Variants in KIAA1328 observed in about 807,000 individuals in gnomAD.
KIAA1328 encodes protein hinderin.
In KIAA1328, 52 loss-of-function variants were observed where a neutral mutation model predicts 68.1. That is an observed-to-expected ratio of 0.76 (90% confidence interval 0.61 to 0.96). The LOEUF is 0.96. Among genes scored for constraint, KIAA1328 ranks in the 40% least tolerant of loss-of-function variants. KIAA1328 has a pLI of 0.00. For missense variants in KIAA1328, 641 were observed against 677.6 expected, an observed-to-expected ratio of 0.95 and a Z score of 0.60; for synonymous variants, 232 against 239.4, an observed-to-expected ratio of 0.97 and a Z score of 0.28.
chr18:36,987,399 T>G (rs1245041144), intron 6 of KIAA1328, among the ~76,000 whole-genome samples: 2 of 147,514 alleles, frequency 1.4e-5, no homozygotes, highest in Admixed American at 1.4e-4. Flanking sequence ...GACACGTTAG[T>G]GGGTGCAGCG....
chr18:37,130,405 A>G (rs323304), intron 7 of KIAA1328, among the ~76,000 whole-genome samples: 66,992 of 152,054 alleles, frequency 0.44, 16,758 homozygotes, highest in African/African-American at 0.69. Flanking sequence ...AGATCACGCG[A>G]TCAAGAGATC....
At chr18:37,039,125 T>C (rs1471782060) in intron 6 of KIAA1328, among the ~76,000 whole-genome samples, 1 of 152,184 alleles carries the variant, frequency 6.6e-6, no homozygotes, top group Admixed American at 6.5e-5. Context: ...TAATATTTTG[T>C]TGACAGTTTT....
At chr18:37,001,827 A>G (rs1285628035) in intron 6 of KIAA1328, among the ~76,000 whole-genome samples, 1 of 152,192 alleles carries the variant, frequency 6.6e-6, no homozygotes, top group Non-Finnish European at 1.5e-5. Flanking sequence ...AAAAGCTTTC[A>G]TCGAACCAGG....
At chr18:36,912,462 C>G (rs1048362817) in intron 5 of KIAA1328, among the ~76,000 whole-genome samples, 6 of 152,050 alleles carry the variant, frequency 3.9e-5, no homozygotes, top group African/African-American at 1.4e-4. Flanking sequence ...TTGGGCTTAC[C>G]CAGATAATCT....
At chr18:37,225,705 C>T (rs765648365), downstream of KIAA1328, among the ~76,000 whole-genome samples, 1 of 152,192 alleles carries the variant, frequency 6.6e-6, no homozygotes, top group Non-Finnish European at 1.5e-5. Flanking sequence ...GCCTAGTTGC[C>T]TTTAGTTGCT....
At chr18:37,189,523 A>T (rs1171584033) in intron 9 of KIAA1328, among the ~76,000 whole-genome samples, 1 of 152,228 alleles carries the variant, frequency 6.6e-6, no homozygotes. Flanking sequence ...TAAGAAATAT[A>T]TTCATGTAGC....
downstream of KIAA1328, among the ~76,000 whole-genome samples, chr18:37,228,271 T>C (rs1274357874): frequency 1.3e-5 from 2 of 152,196 alleles, no homozygotes; most frequent in African/African-American, 4.8e-5. Flanking sequence ...TAGAATATTG[T>C]ATAAATTTAA....
chr18:37,092,906 C>T (rs1303251923), intron 7 of KIAA1328, among the ~76,000 whole-genome samples: 3 of 152,162 alleles, frequency 2.0e-5, no homozygotes, highest in African/African-American at 7.2e-5. Context: ...CTTAGACCTG[C>T]CACTCTCAGT....
intron 5 of KIAA1328, chr18:36,902,421 A>G (rs2049071667): frequency 6.6e-6 from 1 of 152,016 alleles, no homozygotes; most frequent in Non-Finnish European, 1.5e-5. Context: ...TTTAGTATTA[A>G]CGTGCCGTGA....
At chr18:37,020,457 CT>C (rs1472269228) in intron 6 of KIAA1328, among the ~76,000 whole-genome samples, 1 of 152,202 alleles carries the variant, frequency 6.6e-6, no homozygotes, top group Non-Finnish European at 1.5e-5. Context: ...AGTTAAATAA[CT>C]TCTCTCATGC....
intron 3 of KIAA1328, among the ~76,000 whole-genome samples, chr18:36,841,210 C>T (rs1050133428): frequency 3.3e-5 from 5 of 152,000 alleles, no homozygotes; most frequent in African/African-American, 9.7e-5. Context: ...AGGCTGTTAG[C>T]TGATTATACT....
chr18:37,006,051 A>G (rs1250955084), intron 6 of KIAA1328, among the ~76,000 whole-genome samples: 1 of 152,078 alleles, frequency 6.6e-6, no homozygotes, highest in Non-Finnish European at 1.5e-5. Context: ...TAAGGTGACT[A>G]TAGTTAACAA....
chr18:36,883,214 C>T (rs2048377837), intron 4 of KIAA1328, among the ~76,000 whole-genome samples: 1 of 152,056 alleles, frequency 6.6e-6, no homozygotes, highest in Non-Finnish European at 1.5e-5. Context: ...ACTGGGTATC[C>T]CTAATACAAA....
In KIAA1328 at chr18:37,075,449, A is replaced by G. The variant is rs1393393130; in HGVS notation, c.1232+7904A>G. On this transcript the variant is annotated intron_variant, in intron 7 of 9. Transcript: ENST00000280020. ...CTAACGAGCAAAATAACCAGCTAAC[A>G]TCATAATGACAGGAACAAATTCACA... 8 of 152,330 alleles carry G rather than the reference A, an allele frequency of 5.3e-5. No individual in the cohort carries two copies. The East Asian group carries it at 1.5e-3, about 29-fold the overall frequency. The allele number at this position is 152,330 out of a possible 1,614,324, so 9.4% of individuals were successfully genotyped here. A position where few individuals can be genotyped will look rare whatever the true frequency, so the allele number is the denominator to read the frequency against.
chr18:37,026,182 G>GA (rs1327931225), intron 6 of KIAA1328, among the ~76,000 whole-genome samples: 1 of 152,080 alleles, frequency 6.6e-6, no homozygotes, highest in Non-Finnish European at 1.5e-5. Context: ...GGAAGAAATT[G>GA]AATCTCTGAA....
At chr18:37,108,330 A>T (rs1197415621) in intron 7 of KIAA1328, among the ~76,000 whole-genome samples, 1 of 151,918 alleles carries the variant, frequency 6.6e-6, no homozygotes, top group Non-Finnish European at 1.5e-5. Context: ...AGCACACATA[A>T]ACTAAATATG....
At chr18:37,057,427 A>ATT (rs529618213) in intron 6 of KIAA1328, among the ~76,000 whole-genome samples, 17 of 138,002 alleles carry the variant, frequency 1.2e-4, no homozygotes, top group East Asian at 2.1e-4. Flanking sequence ...AATTGCATGA[A>ATT]TTTTTTTTTT....
Position 36,885,665 on chromosome 18 carries a change from A to G in KIAA1328, c.441A>G (p.Glu147=), listed in dbSNP as rs2048473433. The part of the protein sequence containing the change: ...LEEQNELIIK[E]REALQLQYRE... ...AACAGAATGAACTGATCATCAAAGA[A>G]AGGGAAGATATCCTTTTGAAAGTTC... The change falls in exon 5 of 10, where the codon GAA becomes GAG. Residue 147 remains glutamate, a synonymous_variant. Transcript: ENST00000280020. 1.9e-6 allele frequency: 3 copies of G among 1,560,486 alleles called. No individual in the cohort carries two copies. Among genetic ancestry groups the G allele is most frequent in the African/African-American group, 2.7e-5 (2 of 73,186 alleles).
intron 7 of KIAA1328, among the ~76,000 whole-genome samples, chr18:37,088,572 A>AT (rs929273059): frequency 6.6e-6 from 1 of 151,670 alleles, no homozygotes; most frequent in African/African-American, 2.4e-5. Context: ...TTTTAATTTA[A>AT]TTTTTTTATT....
Sources: allele counts gnomAD v4.1 joint callset (sites outside exome capture counted in the v4.1 genomes callset), GRCh38; gene constraint gnomAD v4.1.1; transcripts MANE v1.5; gene names NCBI Gene and HGNC (gene_info 2026-07-23, HGNC 2026-07-21).